CYP20A1: variants seen among roughly 807,000 people sequenced by gnomAD.
CYP20A1 encodes cytochrome P450 family 20 subfamily A member 1.
In CYP20A1, 61 loss-of-function variants were observed where a neutral mutation model predicts 61.4. That is an observed-to-expected ratio of 0.99 (90% CI 0.81 to 1.23). CYP20A1 has a LOEUF of 1.23. CYP20A1 is among the 50% of genes most tolerant of loss of function. The pLI, the probability that CYP20A1 is intolerant of heterozygous loss-of-function variation, is 0.00. For missense variants in CYP20A1, 530 were observed against 542.4 expected, an observed-to-expected ratio of 0.98 and a Z score of 0.23; for synonymous variants, 193 against 188.2, an observed-to-expected ratio of 1.03 and a Z score of -0.21.
At chr2:203,245,976 C>T in intron 2 of CYP20A1, 81 bp downstream of exon 2, 1 of 983,438 alleles carries the variant, frequency 1.0e-6, no homozygotes, top group South Asian at 1.6e-5. Context: ...TTTAGCCAAT[C>T]ATGGTAGCTG....
At position 203,300,206 on chromosome 2, in the gene CYP20A1, AAG is replaced by A. The variant is rs2152118498; in HGVS notation, c.*3303_*3304del. Among the ~76,000 whole-genome samples, 1 of 152,336 alleles carries A rather than the reference AAG, an allele frequency of 6.6e-6. No individual in the cohort carries two copies. Among genetic ancestry groups the A allele is most frequent in the African/African-American group, 2.4e-5 (1 of 41,588 alleles). Reference sequence around the variant, plus strand: ...ACTAATAATGATTGGAATCAAGGAAAAGAGAGCATAGAGGAATCAGCTAAATT... The same window carrying A: ...ACTAATAATGATTGGAATCAAGGAAAAGAGCATAGAGGAATCAGCTAAATT... On this transcript the variant is annotated 3_prime_UTR_variant, in exon 13 of 13. Coordinates refer to ENST00000356079, the MANE Select transcript of CYP20A1 (RefSeq NM_177538.3).
At chr2:203,278,815 G>T in intron 7 of CYP20A1, 127 bp downstream of exon 7, 1 of 549,074 alleles carries the variant, frequency 1.8e-6, no homozygotes, top group Non-Finnish European at 3.3e-6. Flanking sequence ...AAGAGATCAA[G>T]GCCAACTTGG....
intron 4 of CYP20A1, among the ~76,000 whole-genome samples, chr2:203,255,107 A>G (rs1410611129): frequency 6.6e-6 from 1 of 152,122 alleles, no homozygotes; most frequent in Non-Finnish European, 1.5e-5. Flanking sequence ...CAGCATTGCC[A>G]TCACCCTGGT....
chr2:203,277,643 G>A (rs988874151), intron 6 of CYP20A1, among the ~76,000 whole-genome samples: 6 of 151,946 alleles, frequency 3.9e-5, no homozygotes, highest in Non-Finnish European at 5.9e-5. Context: ...AGCCTCCTGA[G>A]TAACTGAGAT....
intron 1 of CYP20A1, among the ~76,000 whole-genome samples, chr2:203,240,327 G>A (rs1379358817): frequency 6.6e-6 from 1 of 152,160 alleles, no homozygotes; most frequent in Admixed American, 6.5e-5. Flanking sequence ...TTGAATTTTT[G>A]GTGATTTTAA....
At chr2:203,275,625 A>C (rs2067787148) in intron 6 of CYP20A1, among the ~76,000 whole-genome samples, 1 of 152,116 alleles carries the variant, frequency 6.6e-6, no homozygotes, top group African/African-American at 2.4e-5. Flanking sequence ...GTTTTAGTAC[A>C]GACGGGGTTT....
intron 1 of CYP20A1, 122 bp downstream of exon 1, chr2:203,239,256 C>T (rs2066155520): frequency 3.7e-6 from 3 of 801,668 alleles, no homozygotes; most frequent in Middle Eastern, 3.3e-4. Flanking sequence ...GGTTCGGGTT[C>T]GCTCCAGAGC....
rs114277461 is a variant in CYP20A1 at position 203,281,935 on chromosome 2, G to A, written c.850+1822G>A. Among the ~76,000 whole-genome samples, 1,382 of 151,798 alleles carry A rather than the reference G, an allele frequency of 9.1e-3. 24 individuals are homozygous for A. Among genetic ancestry groups the A allele is most frequent in the East Asian group, 0.033 (173 of 5,178 alleles). On this transcript the variant is annotated intron_variant, in intron 8 of 12. Coordinates refer to ENST00000356079, the MANE Select transcript of CYP20A1 (RefSeq NM_177538.3). ...TCTTTAAAAGGATACAAATGTAAAC[G>A]TCCCATAAATTTTTCTTCTTTAACA... is the stretch of plus-strand genomic sequence containing the variant.
At chr2:203,254,699 C>T (rs1338481238) in intron 4 of CYP20A1, among the ~76,000 whole-genome samples, 1 of 152,006 alleles carries the variant, frequency 6.6e-6, no homozygotes, top group Non-Finnish European at 1.5e-5. Context: ...CTTTGAAAAT[C>T]ACATTTGATC....
chr2:203,297,077 G>A lies in CYP20A1; in HGVS notation c.*169G>A, dbSNP rs748723855. The stretch of plus-strand genomic sequence containing the variant: ...ATATATCATATTTTCTTAATTCATT[G>A]TACACATTTGACTTACTGCACAGTA... On this transcript the variant is annotated 3_prime_UTR_variant, in exon 13 of 13. Transcript: ENST00000356079. The A allele has an allele frequency of 4.5e-5, 22 of 491,782 alleles. No homozygotes were observed. Among genetic ancestry groups the A allele is most frequent in the Admixed American group, 1.9e-4 (5 of 25,998 alleles). The allele number at this position is 491,782 out of a possible 1,614,324, so 30.5% of individuals were successfully genotyped here.
intron 5 of CYP20A1, among the ~76,000 whole-genome samples, chr2:203,269,495 T>TTA (rs1457890893): frequency 2.8e-4 from 32 of 115,986 alleles, no homozygotes; most frequent in African/African-American, 8.5e-4. Flanking sequence ...AAATATATAG[T>TTA]TCTTTTTTTT....
At chr2:203,256,891 C>A (rs2066912851) in intron 4 of CYP20A1, among the ~76,000 whole-genome samples, 1 of 152,154 alleles carries the variant, frequency 6.6e-6, no homozygotes, top group African/African-American at 2.4e-5. Flanking sequence ...TCCTCTGAAA[C>A]ATTTTTCCCA....
chr2:203,245,166 A>G (rs2066417567), intron 1 of CYP20A1, among the ~76,000 whole-genome samples: 1 of 150,698 alleles, frequency 6.6e-6, no homozygotes, highest in Non-Finnish European at 1.5e-5. Flanking sequence ...AGCTGGGACT[A>G]CAGGTGTGTG....
At chr2:203,244,324 C>T (rs1312080954) in intron 1 of CYP20A1, among the ~76,000 whole-genome samples, 1 of 152,110 alleles carries the variant, frequency 6.6e-6, no homozygotes, top group African/African-American at 2.4e-5. Context: ...GCCTCAGCCT[C>T]CTGAGTAGCT....
chr2:203,295,696 CCAGCA>C (rs1383573103), intron 11 of CYP20A1, among the ~76,000 whole-genome samples: 1 of 151,976 alleles, frequency 6.6e-6, no homozygotes, highest in East Asian at 1.9e-4. Context: ...ACCTATAATC[CCAGCA>C]CTTTGGGAGG....
At chr2:203,271,675 A>G (rs913126113) in intron 5 of CYP20A1, among the ~76,000 whole-genome samples, 5 of 152,186 alleles carry the variant, frequency 3.3e-5, no homozygotes, top group Non-Finnish European at 7.3e-5. Flanking sequence ...ATGTTTATCA[A>G]TATTACAGGT....
At chr2:203,277,034 T>C (rs2067849345) in intron 6 of CYP20A1, among the ~76,000 whole-genome samples, 1 of 152,068 alleles carries the variant, frequency 6.6e-6, no homozygotes, top group African/African-American at 2.4e-5. Flanking sequence ...TAGGGGAGTA[T>C]AGTCCTGGGA....
Position 203,299,379 on chromosome 2 carries a change from C to T in CYP20A1, c.*2471C>T, listed in dbSNP as rs1199093554. Among the ~76,000 whole-genome samples, 4 of 151,960 alleles carry T rather than the reference C, an allele frequency of 2.6e-5. No homozygotes were observed. On this transcript the variant is annotated 3_prime_UTR_variant, in exon 13 of 13. Coordinates refer to ENST00000356079, the MANE Select transcript of CYP20A1 (RefSeq NM_177538.3). ...TGGAGGCTTCAGTGAGCTGTGATCA[C>T]ACCACTGCCCTCAGCCAAACCTGAG... is the stretch of plus-strand genomic sequence containing the variant.
In CYP20A1 at chr2:203,300,526, G is replaced by T. The variant is rs377633571; in HGVS notation, c.*3618G>T. On this transcript the variant is annotated 3_prime_UTR_variant, in exon 13 of 13. Coordinates refer to ENST00000356079, the MANE Select transcript of CYP20A1 (RefSeq NM_177538.3). ...AAGTAAGTAAGTTTTGTAGCTTTTGGAGTTTTTAAAAACTACTTCAGTGAT... is the reference window on the plus strand; with the variant it reads ...AAGTAAGTAAGTTTTGTAGCTTTTGTAGTTTTTAAAAACTACTTCAGTGAT... 2.4e-4 allele frequency among the ~76,000 whole-genome samples: 37 copies of T among 152,056 alleles called. No homozygotes were observed. The highest frequency in any genetic ancestry group is 4.1e-4 in the South Asian group (2 of 4,826).
Sources: allele counts gnomAD v4.1 joint callset (sites outside exome capture counted in the v4.1 genomes callset), GRCh38; gene constraint gnomAD v4.1.1; transcripts MANE v1.5; gene names NCBI Gene and HGNC (gene_info 2026-07-23, HGNC 2026-07-21).